SHOX2: variants seen among roughly 807,000 people sequenced by gnomAD.
SHOX2 encodes short stature homeobox protein 2.
In SHOX2, 13 loss-of-function variants were observed where a neutral mutation model predicts 31.3. That is an observed-to-expected ratio of 0.42 (90% CI 0.27 to 0.66). SHOX2 has a LOEUF of 0.66. SHOX2 is among the 30% of genes least tolerant of loss of function. The pLI is 0.27. For synonymous variants in SHOX2, 244 were observed against 196.2 expected (o/e 1.24, Z -2.04); for missense variants, 473 against 443.0 (o/e 1.07, Z -0.61).
intron 1 of SHOX2, chr3:158,105,268 G>C: frequency 1.6e-6 from 1 of 642,358 alleles, no homozygotes; most frequent in Non-Finnish European, 2.8e-6. Context: ...CTCCCTCCCG[G>C]CAAACTCTGC....
rs1472186114 is a variant in SHOX2 at position 158,105,995 on chromosome 3, C to T, written c.30G>A (p.Lys10=). The change falls in exon 1 of 5, where the codon AAG becomes AAA. Residue 10 remains lysine, a synonymous_variant. Transcript: ENST00000483851. The part of the protein sequence containing the change: MEELTAFVS[K]SFDQKVKEKK... Reference sequence around the variant, plus strand: ...TCTCCTTCACTTTCTGGTCAAAAGACTTGGAGACGAACGCCGTAAGTTCTT... The same window carrying T: ...TCTCCTTCACTTTCTGGTCAAAAGATTTGGAGACGAACGCCGTAAGTTCTT... The T allele has an allele frequency of 6.2e-7, 1 of 1,613,034 alleles. No individual in the cohort carries two copies. Among genetic ancestry groups the T allele is most frequent in the East Asian group, 2.2e-5 (1 of 44,822 alleles).
chr3:158,100,068 C>T, intron 3 of SHOX2, 120 bp from the exon 4 acceptor site: 1 of 965,740 alleles, frequency 1.0e-6, no homozygotes, highest in African/African-American at 1.6e-5. Context: ...TTCTAAACTG[C>T]ATCCAAAATT....
intron 2 of SHOX2, 73 bp downstream of exon 2, chr3:158,102,605 T>A: frequency 8.2e-7 from 1 of 1,217,824 alleles, no homozygotes. Context: ...CTCCCGAGTG[T>A]GTCCCCCAAG....
rs1457117580 is a variant in SHOX2, at chr3:158,102,774, A to C, written c.459T>G (p.Asn153Lys). The change falls in exon 2 of 5, where the codon AAT becomes AAG. Residue 153 changes from asparagine (N) to lysine (K), a missense_variant. Coordinates refer to ENST00000483851, the MANE Select transcript of SHOX2 (RefSeq NM_001163678.2). ...SRTNFTLEQL[N>K]ELERLFDETH... ...TCTCGTCAAAAAGCCTCTCCAGCTC[A>C]TTGAGTTGTTCCAGGGTGAAATTGG... 1 of 1,613,910 alleles carries C rather than the reference A, an allele frequency of 6.2e-7. No homozygotes were observed. Among genetic ancestry groups the C allele is most frequent in the East Asian group, 2.2e-5 (1 of 44,838 alleles).
At chr3:158,098,780 C>T (rs1481080325) in intron 4 of SHOX2, among the ~76,000 whole-genome samples, 2 of 152,196 alleles carry the variant, frequency 1.3e-5, no homozygotes, top group Admixed American at 1.3e-4. Context: ...TACTTCTAAC[C>T]TTTATTGCCA....
At chr3:158,102,301 C>A (rs1042598315) in intron 2 of SHOX2, among the ~76,000 whole-genome samples, 15 of 152,138 alleles carry the variant, frequency 9.9e-5, no homozygotes, top group Non-Finnish European at 2.1e-4. Context: ...CTCTTTGGAA[C>A]TTTTAAGGCA....
intron 1 of SHOX2, chr3:158,103,539 C>T (rs1055775507): frequency 6.4e-6 from 1 of 155,086 alleles, no homozygotes; most frequent in Admixed American, 6.3e-5. Flanking sequence ...TCGGGCCAAA[C>T]CCTGCATAAG....
intron 1 of SHOX2, chr3:158,103,398 C>G (rs73164062): frequency 0.084 from 15,171 of 180,086 alleles, 865 homozygotes; most frequent in South Asian, 0.18. Flanking sequence ...ACCGCTGGCT[C>G]TCTGCCTACC....
rs1309224725 is a variant in SHOX2 at position 158,096,149 on chromosome 3, T to C, written c.*1878A>G. ...ACGTCATGAGATAACATCTTTTGTT[T>C]AAAATAACTTAATACACTAGAAAAA... is the stretch of plus-strand genomic sequence containing the variant. On this transcript the variant is annotated 3_prime_UTR_variant, in exon 5 of 5. Coordinates refer to ENST00000483851, the MANE Select transcript of SHOX2 (RefSeq NM_001163678.2). 1.3e-5 allele frequency: 2 copies of C among 152,664 alleles called. No homozygotes were observed. The highest frequency in any genetic ancestry group is 2.4e-5 in the African/African-American group (1 of 41,456). The allele number at this position is 152,664 out of a possible 1,614,324, so 9.5% of individuals were successfully genotyped here.
chr3:158,105,871 T>C lies in SHOX2; in HGVS notation c.154A>G (p.Ser52Gly). Residue 52 changes from serine (S) to glycine (G), a missense_variant, in exon 1 of 5, where the codon AGC becomes GGC. By Grantham distance (56) the Ser-to-Gly change is moderately conservative. This residue lies in a region of SHOX2 where 276 missense variants were observed against 230.0 expected (regional missense o/e 1.20). Transcript: ENST00000483851. ...CCGGCCGCCCGGACTGCCGGGCTGC[T>C]GCGGTCGTCGCGGCCCGCCTCGGTG... ...GCTEAGRDDR[S>G]SPAVRAAGGG... 6.6e-7 allele frequency: 1 copy of C among 1,517,750 alleles called. No individual in the cohort carries two copies. The highest frequency in any genetic ancestry group is 1.2e-5 in the South Asian group (1 of 80,618). 94.0% of individuals were successfully genotyped at this position (1,517,750 alleles called of 1,614,324 possible).
At position 158,096,913 on chromosome 3, in the gene SHOX2, TATATATATATATATATATGGCAA is replaced by T. The variant is rs1202552793; in HGVS notation, c.*1091_*1113del. 2 of 114,830 alleles carry T rather than the reference TATATATATATATATATATGGCAA, an allele frequency of 1.7e-5. No individual in the cohort carries two copies. Among genetic ancestry groups the T allele is most frequent in the Non-Finnish European group, 3.8e-5 (2 of 52,514 alleles). The allele number at this position is 114,830 out of a possible 1,614,324, so 7.1% of individuals were successfully genotyped here. On this transcript the variant is annotated 3_prime_UTR_variant, in exon 5 of 5. Coordinates refer to ENST00000483851, the MANE Select transcript of SHOX2 (RefSeq NM_001163678.2). ...AAATATATATATATATATATATATA[TATATATATATATATATATGGCAA>T]ATATATGATATATATATATGGATAT... is the stretch of plus-strand genomic sequence containing the variant.
rs1317278590 is a variant in SHOX2 at position 158,096,906 on chromosome 3, ATATATATATATATATATATATATATG to A, written c.*1095_*1120del. On this transcript the variant is annotated 3_prime_UTR_variant, in exon 5 of 5. Coordinates refer to ENST00000483851, the MANE Select transcript of SHOX2 (RefSeq NM_001163678.2). ...ACAGGGCAAATATATATATATATAT[ATATATATATATATATATATATATATG>A]GCAAATATATGATATATATATATGG... is the stretch of plus-strand genomic sequence containing the variant. 3 of 106,206 alleles carry A rather than the reference ATATATATATATATATATATATATATG, an allele frequency of 2.8e-5. No homozygotes were observed. The highest frequency in any genetic ancestry group is 2.9e-4 in the South Asian group (1 of 3,430). The allele number at this position is 106,206 out of a possible 1,614,324, so 6.6% of individuals were successfully genotyped here. A position where few individuals can be genotyped will look rare whatever the true frequency, so the allele number is the denominator to read the frequency against.
chr3:158,102,593 A>T, intron 2 of SHOX2, 85 bp downstream of exon 2: 1 of 1,065,662 alleles, frequency 9.4e-7, no homozygotes, highest in Non-Finnish European at 1.4e-6. Flanking sequence ...TAGAAGCACC[A>T]CCTCCCGAGT....
rs1713228413 is a variant in SHOX2, at chr3:158,097,966, C to T, written c.*61G>A. 6.5e-7 allele frequency: 1 copy of T among 1,533,962 alleles called. No individual in the cohort carries two copies. The highest frequency in any genetic ancestry group is 8.8e-7 in the Non-Finnish European group (1 of 1,141,238). ...AAGGGGTAACGGAGAAGCAGCGGGG[C>T]GCGGAGGGCGTGCAGGCTGAGTGCC... On this transcript the variant is annotated 3_prime_UTR_variant, in exon 5 of 5. Coordinates refer to ENST00000483851, the MANE Select transcript of SHOX2 (RefSeq NM_001163678.2).
In SHOX2 at chr3:158,105,777, G is replaced by A. The variant is rs1487988503; in HGVS notation, c.248C>T (p.Ala83Val). Residue 83 changes from alanine (A) to valine (V), a missense_variant, in exon 1 of 5, where the codon GCA becomes GTA. Transcript: ENST00000483851. ...GGGGGVGGGG[A>V]GGGAGGGRSP... The stretch of plus-strand genomic sequence containing the variant: ...GCGCCCTCCTCCAGCTCCTCCGCCT[G>A]CTCCTCCTCCTCCTACACCTCCTCC... 1 of 1,513,014 alleles carries A rather than the reference G, an allele frequency of 6.6e-7. No homozygotes were observed. The highest frequency in any genetic ancestry group is 2.1e-5 in the Admixed American group (1 of 46,680). The allele number at this position is 1,513,014 out of a possible 1,614,324, so 93.7% of individuals were successfully genotyped here. A position where few individuals can be genotyped will look rare whatever the true frequency, so the allele number is the denominator to read the frequency against.
intron 2 of SHOX2, among the ~76,000 whole-genome samples, chr3:158,101,701 C>T (rs751366910): frequency 2.0e-5 from 3 of 152,164 alleles, no homozygotes; most frequent in Non-Finnish European, 4.4e-5. Flanking sequence ...GTATCTGTTA[C>T]AGCGATACTT....
At chr3:158,099,649 A>G (rs35588117) in intron 4 of SHOX2, among the ~76,000 whole-genome samples, 142,056 of 152,150 alleles carry the variant, frequency 0.93, 66,446 homozygotes, top group East Asian at 1. Flanking sequence ...CCCTTCAGGG[A>G]TTCCCATGAG....
Position 158,097,805 on chromosome 3 carries a change from C to T in SHOX2, c.*222G>A. ...AATTCTAGGCCCTCGAGTAGGAAAA[C>T]GGGCAGGAGCCACGGAGCCTGCGTG... On this transcript the variant is annotated 3_prime_UTR_variant, in exon 5 of 5. Transcript: ENST00000483851. 2 of 618,834 alleles carry T rather than the reference C, an allele frequency of 3.2e-6. No homozygotes were observed. The highest frequency in any genetic ancestry group is 3.1e-5 in the Admixed American group (1 of 32,578). The allele number at this position is 618,834 out of a possible 1,614,324, so 38.3% of individuals were successfully genotyped here. A position where few individuals can be genotyped will look rare whatever the true frequency, so the allele number is the denominator to read the frequency against.
chr3:158,098,117 G>C lies in SHOX2; in HGVS notation c.870C>G (p.Ala290=), dbSNP rs748465616. The C allele has an allele frequency of 7.4e-6, 12 of 1,611,012 alleles. No homozygotes were observed. The African/African-American group carries it at 1.5e-4, about 20-fold the overall frequency. The change falls in exon 5 of 5, where the codon GCC becomes GCG. Residue 290 remains alanine, a synonymous_variant. Transcript: ENST00000483851. The stretch of plus-strand genomic sequence containing the variant: ...TGCTGGTGGTCTTGGCGGCTGCTGC[G>C]GCCGCCACTACCGAGGCGGCGGAAG... The part of the protein sequence containing the change: ...DSASAASVVA[A]AAAAKTTSKN...
Sources: gnomAD v4.1 joint callset for allele counts (sites outside exome capture counted in the v4.1 genomes callset) on GRCh38, gnomAD v4.1.1 for gene constraint, gnomAD v4.1.1 regional missense constraint, MANE v1.5 for transcripts, NCBI Gene and HGNC (gene_info 2026-07-23, HGNC 2026-07-21) for gene names.